HNRNPK: variants seen among roughly 807,000 people sequenced by gnomAD.
HNRNPK encodes the protein heterogeneous nuclear ribonucleoprotein K, also known as dC-stretch binding protein.
HNRNPK carries 7 observed loss-of-function variants against 67.0 expected under a neutral mutation model. The ratio of observed to expected loss-of-function variants is 0.10; its 90% CI spans 0.06 to 0.20. The LOEUF (loss-of-function observed/expected upper bound fraction) is 0.20, where lower values mean the gene tolerates loss of function less well. HNRNPK is among the 10% of genes least tolerant of loss of function. The probability of loss-of-function intolerance (pLI) is 1.00; values close to 1 mark genes in which losing one functional copy is unlikely to be tolerated. For missense variants in HNRNPK, 264 were observed against 606.5 expected (o/e 0.44, Z 5.93); for synonymous variants, 213 against 193.7 (o/e 1.10, Z -0.83).
Position 83,968,847 on chromosome 9 carries a change from G to A in HNRNPK, c.*560C>T, listed in dbSNP as rs1956694554. ...AAACTTAGTGTTTAGTTTGGGGGTG[G>A]GTTGGGAAATTCAGCCACCATTTTA... is the stretch of plus-strand genomic sequence containing the variant. On this transcript the variant is annotated 3_prime_UTR_variant, in exon 17 of 17. Transcript: ENST00000376263. The A allele has an allele frequency of 6.5e-6, 1 of 153,112 alleles. No homozygotes were observed. The highest frequency in any genetic ancestry group is 1.5e-5 in the Non-Finnish European group (1 of 68,478). The allele number at this position is 153,112 out of a possible 1,614,324, so 9.5% of individuals were successfully genotyped here.
intron 1 of HNRNPK, among the ~76,000 whole-genome samples, chr9:83,979,190 G>A (rs1348165269): frequency 2.6e-5 from 4 of 152,192 alleles, no homozygotes; most frequent in East Asian, 1.9e-4. Context: ...ACTAGGAGTT[G>A]ACAAGCGGCC....
intron 5 of HNRNPK, among the ~76,000 whole-genome samples, chr9:83,976,256 A>G (rs1957058996): frequency 1.3e-5 from 2 of 152,238 alleles, no homozygotes; most frequent in Non-Finnish European, 2.9e-5. Context: ...ATACTGTCAA[A>G]TAAGTACTCG....
intron 6 of HNRNPK, 152 bp from the exon 7 acceptor site, chr9:83,974,741 C>T (rs937705558): frequency 6.7e-6 from 4 of 599,198 alleles, no homozygotes; most frequent in African/African-American, 5.6e-5. Context: ...ATAGATTTCT[C>T]ACATGCATTT....
chr9:83,973,164 T>C (rs1327368643), intron 9 of HNRNPK, 122 bp downstream of exon 9: 6 of 768,842 alleles, frequency 7.8e-6, no homozygotes, highest in Admixed American at 7.3e-5. Context: ...ACATTTTTTG[T>C]CATTTGCGAT....
rs1419692772 is a variant in HNRNPK, at chr9:83,974,532, G to A, written c.315C>T (p.Ile105=). The change falls in exon 7 of 17, where the codon ATC becomes ATT. Residue 105 remains isoleucine (I), a synonymous_variant. Transcript: ENST00000376263. ...ETIGEILKKI[I]PTLEEGLQLP... is the part of the protein sequence containing the mutation. ...ATGAGCCTACCTCTTCCAAGGTAGG[G>A]ATGATTTTCTTCAGAATTTCTCCAA... 3 of 1,577,558 alleles carry A rather than the reference G, an allele frequency of 1.9e-6. No homozygotes were observed. Among genetic ancestry groups the A allele is most frequent in the African/African-American group, 2.7e-5 (2 of 73,962 alleles).
chr9:83,974,400 C>A, intron 7 of HNRNPK, 117 bp downstream of exon 7: 1 of 513,092 alleles, frequency 1.9e-6, no homozygotes. Context: ...GGTTAAGATA[C>A]TGCTACAAAC....
intron 16 of HNRNPK, 60 bp downstream of exon 16, chr9:83,970,102 G>A (rs1045595359): frequency 1.4e-6 from 2 of 1,387,570 alleles, no homozygotes; most frequent in Non-Finnish European, 2.0e-6. Flanking sequence ...CAATTGAGAA[G>A]AAAAGCTTTT....
In HNRNPK at chr9:83,970,327, G is replaced by C; in HGVS notation, c.1196C>G (p.Ala399Gly). 1 of 1,608,522 alleles carries C rather than the reference G, an allele frequency of 6.2e-7. No homozygotes were observed. Among genetic ancestry groups the C allele is most frequent in the Non-Finnish European group, 8.5e-7 (1 of 1,177,556 alleles). ...TTQVTIPKDL[A>G]GSIIGKGGQR... ...ACCACCTTTGCCAATAATAGATCCAGCCAACTGAAAAGATTTTTTAAAAGT... is the reference window on the plus strand; with the variant it reads ...ACCACCTTTGCCAATAATAGATCCACCCAACTGAAAAGATTTTTTAAAAGT... The change falls in exon 16 of 17, where the codon GCT (alanine) becomes GGT (glycine). Residue 399 changes from alanine (A) to glycine (G), a missense_variant. Transcript: ENST00000376263.
intron 6 of HNRNPK, 156 bp downstream of exon 6, chr9:83,975,306 T>G: frequency 2.9e-6 from 2 of 686,212 alleles, no homozygotes. Flanking sequence ...CGGTAAAAGT[T>G]CAGTGACAAA....
intron 3 of HNRNPK, 138 bp from the exon 4 acceptor site, chr9:83,977,924 C>G: frequency 1.6e-6 from 1 of 621,804 alleles, no homozygotes; most frequent in Non-Finnish European, 2.8e-6. Context: ...GAACGTTATG[C>G]TTCCATCTAG....
At chr9:83,975,102 A>T (rs1204623565) in intron 6 of HNRNPK, among the ~76,000 whole-genome samples, 1 of 152,254 alleles carries the variant, frequency 6.6e-6, no homozygotes, top group Admixed American at 6.5e-5. Context: ...GAAGTGAAGG[A>T]AAGTGAACCA....
At chr9:83,972,417 G>C (rs954937231) in intron 10 of HNRNPK, 1 of 536,346 alleles carries the variant, frequency 1.9e-6, no homozygotes, top group South Asian at 2.6e-5. Context: ...TGCCTATACA[G>C]GGAGAAGTAA....
chr9:83,979,654 T>A (rs969957146), intron 1 of HNRNPK, among the ~76,000 whole-genome samples: 4 of 152,070 alleles, frequency 2.6e-5, no homozygotes, highest in Non-Finnish European at 5.9e-5. Flanking sequence ...GGCGACTACG[T>A]GCTACTAGGC....
At chr9:83,979,735 C>T (rs947460507) in intron 1 of HNRNPK, among the ~76,000 whole-genome samples, 4 of 152,102 alleles carry the variant, frequency 2.6e-5, no homozygotes, top group East Asian at 1.9e-4. Context: ...ATCCTCCCCC[C>T]ACTGCCCGAG....
At chr9:83,974,346 T>TAAA (rs35198637) in intron 7 of HNRNPK, among the ~76,000 whole-genome samples, 171 bp downstream of exon 7, 5 of 143,832 alleles carry the variant, frequency 3.5e-5, no homozygotes, top group East Asian at 2.0e-4. Flanking sequence ...TTTTTTTTTT[T>TAAA]AAAAAAAAAA....
chr9:83,976,405 C>T (rs1957065465), intron 5 of HNRNPK: 1 of 152,368 alleles, frequency 6.6e-6, no homozygotes, highest in African/African-American at 2.4e-5. Context: ...TTTAATGTGT[C>T]TAATCACAAG....
chr9:83,976,870 A>G (rs1389419928), intron 5 of HNRNPK, 125 bp downstream of exon 5: 18 of 594,132 alleles, frequency 3.0e-5, no homozygotes, highest in Non-Finnish European at 4.7e-5. Flanking sequence ...ATTCTGTAAT[A>G]ATAAATTATT....
intron 8 of HNRNPK, among the ~76,000 whole-genome samples, chr9:83,973,664 AATT>A (rs946245626): frequency 5.9e-5 from 9 of 152,298 alleles, no homozygotes; most frequent in African/African-American, 2.2e-4. Context: ...GTTACCACAA[AATT>A]ATTATTAACA....
intron 2 of HNRNPK, 37 bp downstream of exon 2, chr9:83,978,331 TAAAAA>T (rs55698797): frequency 2.4e-3 from 3,079 of 1,266,876 alleles, no homozygotes; most frequent in South Asian, 5.0e-3. Flanking sequence ...AAGCAAGCTG[TAAAAA>T]AAAAAAAAAA....
Sources: gnomAD v4.1 joint callset for allele counts (sites outside exome capture counted in the v4.1 genomes callset) on GRCh38, gnomAD v4.1.1 for gene constraint, MANE v1.5 for transcripts, NCBI Gene and HGNC (gene_info 2026-07-23, HGNC 2026-07-21) for gene names.